Variants in RAP1GDS1 observed in about 807,000 individuals in gnomAD.
RAP1GDS1 encodes Rap1 GTPase-GDP dissociation stimulator 1.
A neutral mutation model predicts 71.1 loss-of-function variants in RAP1GDS1; 35 were observed. The ratio of observed to expected loss-of-function variants is 0.49; its 90% CI spans 0.38 to 0.65. RAP1GDS1 has a LOEUF of 0.65. Among genes scored for constraint, RAP1GDS1 ranks in the 30% least tolerant of loss-of-function variants. The pLI is 0.00. For missense variants in RAP1GDS1, 663 were observed against 706.1 expected (o/e 0.94, Z 0.69); for synonymous variants, 229 against 243.1 (o/e 0.94, Z 0.54).
At chr4:98,386,598 A>G (rs1002122302) in intron 5 of RAP1GDS1, among the ~76,000 whole-genome samples, 10 of 147,734 alleles carry the variant, frequency 6.8e-5, no homozygotes, top group African/African-American at 1.2e-4. Flanking sequence ...TGAAATTTCT[A>G]TGTATCATTG....
chr4:98,378,242 T>C (rs1741469581), intron 4 of RAP1GDS1, among the ~76,000 whole-genome samples: 1 of 151,910 alleles, frequency 6.6e-6, no homozygotes, highest in African/African-American at 2.4e-5. Context: ...TAGAAAGTAG[T>C]CTAAAGCTGT....
chr4:98,436,846 A>G lies in RAP1GDS1; in HGVS notation c.1568-94A>G, dbSNP rs1297644695. The G allele has an allele frequency of 8.9e-6, 11 of 1,239,814 alleles. No homozygotes were observed. The Admixed American group carries it at 2.5e-4, about 28-fold the overall frequency. The allele number at this position is 1,239,814 out of a possible 1,614,324, so 76.8% of individuals were successfully genotyped here. On this transcript the variant is annotated intron_variant, in intron 13 of 14. Transcript: ENST00000408927. Reference sequence around the variant, plus strand: ...TTATTATTTATCAGTTCCATTTAGAAGGTTTCGTATGGTCAATTTCTTCAA... The same window carrying G: ...TTATTATTTATCAGTTCCATTTAGAGGGTTTCGTATGGTCAATTTCTTCAA...
chr4:98,293,850 A>C (rs1044594228), intron 2 of RAP1GDS1, among the ~76,000 whole-genome samples: 2 of 152,124 alleles, frequency 1.3e-5, no homozygotes, highest in Non-Finnish European at 2.9e-5. Context: ...GTGCTTTAAA[A>C]ATAGATTGTT....
At chr4:98,276,829 A>G (rs1431141913) in intron 1 of RAP1GDS1, among the ~76,000 whole-genome samples, 2 of 152,220 alleles carry the variant, frequency 1.3e-5, no homozygotes, top group Admixed American at 1.3e-4. Flanking sequence ...ACTTTTCAAA[A>G]GAAGTCAGAA....
chr4:98,272,584 ACAGTT>A (rs1325884278), intron 1 of RAP1GDS1, among the ~76,000 whole-genome samples: 1 of 152,144 alleles, frequency 6.6e-6, no homozygotes, highest in Non-Finnish European at 1.5e-5. Flanking sequence ...TGCAGACAGT[ACAGTT>A]TTCAGTGCAT....
At chr4:98,393,632 T>A (rs1161461681) in intron 6 of RAP1GDS1, among the ~76,000 whole-genome samples, 4 of 152,204 alleles carry the variant, frequency 2.6e-5, no homozygotes, top group Non-Finnish European at 5.9e-5. Flanking sequence ...GCAGGTACTT[T>A]GCTGTTACAT....
At chr4:98,328,883 T>TG (rs1437758644) in intron 2 of RAP1GDS1, among the ~76,000 whole-genome samples, 1 of 152,204 alleles carries the variant, frequency 6.6e-6, no homozygotes, top group East Asian at 1.9e-4. Context: ...TAAGAAGTGA[T>TG]TTGATCACAC....
chr4:98,374,085 A>T (rs956801105), intron 4 of RAP1GDS1, among the ~76,000 whole-genome samples: 14 of 152,160 alleles, frequency 9.2e-5, no homozygotes, highest in African/African-American at 2.7e-4. Flanking sequence ...ATGGGTAACA[A>T]ACTGCAGAAA....
intron 4 of RAP1GDS1, among the ~76,000 whole-genome samples, chr4:98,377,211 C>A (rs1741294453): frequency 6.6e-6 from 1 of 151,920 alleles, no homozygotes; most frequent in Non-Finnish European, 1.5e-5. Context: ...GAATTAGAAT[C>A]AAATACTATT....
rs187334437 is a variant in RAP1GDS1, at chr4:98,441,791, A to G, written c.1697-199A>G. On this transcript the variant is annotated intron_variant, in intron 14 of 14. Transcript: ENST00000408927. Reference sequence around the variant, plus strand: ...TTAAAATTTTTTCCTTTAATTTAAAAAAAAGTAAAGTTTTTATGATTTTTT... The same window carrying G: ...TTAAAATTTTTTCCTTTAATTTAAAGAAAAGTAAAGTTTTTATGATTTTTT... 8.0e-4 allele frequency: 465 copies of G among 578,772 alleles called. 1 individual carries two copies. The highest frequency in any genetic ancestry group is 9.4e-4 in the Non-Finnish European group (429 of 458,820). 35.9% of individuals were successfully genotyped at this position (578,772 alleles called of 1,614,324 possible).
chr4:98,355,903 T>C (rs1230545575), intron 4 of RAP1GDS1, among the ~76,000 whole-genome samples: 7 of 152,208 alleles, frequency 4.6e-5, no homozygotes, highest in Non-Finnish European at 7.4e-5. Context: ...CCTTCTTGCA[T>C]ATAGAGATGA....
At chr4:98,297,475 G>C (rs954156552) in intron 2 of RAP1GDS1, among the ~76,000 whole-genome samples, 2 of 152,122 alleles carry the variant, frequency 1.3e-5, no homozygotes, top group Admixed American at 1.3e-4. Flanking sequence ...TTGTGTATCT[G>C]TGTCACATTA....
chr4:98,379,057 G>T lies in RAP1GDS1; in HGVS notation c.402G>T (p.Gln134His), dbSNP rs940050790. ...CAGTTGACCAAGCAGGTGGTGCACA[G>T]ATTGTAATTGACCATTTAAGGTCAC... is the stretch of plus-strand genomic sequence containing the variant. The part of the protein sequence containing the change: ...RSAVDQAGGA[Q>H]IVIDHLRSLC... The change falls in exon 5 of 15, where the codon CAG becomes CAT. Residue 134 changes from glutamine (Q) to histidine (H), a missense_variant. Transcript: ENST00000408927. 2.5e-6 allele frequency: 4 copies of T among 1,608,544 alleles called. No individual in the cohort carries two copies. The highest frequency in any genetic ancestry group is 3.4e-6 in the Non-Finnish European group (4 of 1,177,416).
Position 98,379,163 on chromosome 4 carries a change from G to T in RAP1GDS1, c.508G>T (p.Asp170Tyr). ...GCTGATGAACTATAGCAATGAGAAT[G>T]GTAAACAAAACTGAAAACTTGCTTT... Reference protein sequence around the residue: ...GMLMNYSNENDSLQAQLINMG... With the variant: ...GMLMNYSNENYSLQAQLINMG... Residue 170 changes from aspartate (D) to tyrosine (Y), a missense_variant and splice_region_variant, in exon 5 of 15, where the codon GAT becomes TAT. Coordinates refer to ENST00000408927, the MANE Select transcript of RAP1GDS1 (RefSeq NM_001100427.2). 1 of 1,572,498 alleles carries T rather than the reference G, an allele frequency of 6.4e-7. No individual in the cohort carries two copies. Among genetic ancestry groups the T allele is most frequent in the South Asian group, 1.2e-5 (1 of 82,530 alleles).
chr4:98,346,558 ATT>A (rs898244782), intron 3 of RAP1GDS1, among the ~76,000 whole-genome samples: 2 of 144,154 alleles, frequency 1.4e-5, no homozygotes. Context: ...ATGATTATTT[ATT>A]TTTTTTTTTT....
chr4:98,312,553 T>C (rs1730381336), intron 2 of RAP1GDS1, among the ~76,000 whole-genome samples: 1 of 152,166 alleles, frequency 6.6e-6, no homozygotes, highest in Non-Finnish European at 1.5e-5. Context: ...ACTATTTTTT[T>C]CTAATATTTG....
intron 2 of RAP1GDS1, among the ~76,000 whole-genome samples, chr4:98,327,483 A>G (rs1733315331): frequency 6.6e-6 from 1 of 152,150 alleles, no homozygotes; most frequent in African/African-American, 2.4e-5. Flanking sequence ...GTAGTTTTTG[A>G]AGAATGTTTT....
At chr4:98,268,100 C>T (rs1345714526) in intron 1 of RAP1GDS1, among the ~76,000 whole-genome samples, 3 of 152,080 alleles carry the variant, frequency 2.0e-5, no homozygotes, top group Non-Finnish European at 4.4e-5. Flanking sequence ...AGTCTCATCA[C>T]ATTAAGAGGA....
At chr4:98,320,954 C>A (rs1258908087) in intron 2 of RAP1GDS1, among the ~76,000 whole-genome samples, 1 of 120,156 alleles carries the variant, frequency 8.3e-6, no homozygotes, top group Non-Finnish European at 1.7e-5. Flanking sequence ...AAGAAGGCTT[C>A]AGACGATCAA....
Sources: gnomAD v4.1 joint callset for allele counts (sites outside exome capture counted in the v4.1 genomes callset) on GRCh38, gnomAD v4.1.1 for gene constraint, MANE v1.5 for transcripts, NCBI Gene and HGNC (gene_info 2026-07-23, HGNC 2026-07-21) for gene names.